Variants in GPM6B observed in about 807,000 individuals in gnomAD.
GPM6B encodes the protein neuronal membrane glycoprotein M6-b.
GPM6B carries 4 observed loss-of-function variants against 27.2 expected under a neutral mutation model. That is an observed-to-expected ratio of 0.15 (90% CI 0.07 to 0.34). GPM6B has a LOEUF of 0.34. GPM6B is among the 10% of genes least tolerant of loss of function. The pLI, the probability that GPM6B is intolerant of heterozygous loss-of-function variation, is 1.00. For missense variants in GPM6B, 183 were observed against 261.9 expected, an observed-to-expected ratio of 0.70 and a Z score of 2.08; for synonymous variants, 124 against 103.1, an observed-to-expected ratio of 1.20 and a Z score of -1.23.
intron 1 of GPM6B, among the ~76,000 whole-genome samples, chrX:13,826,426 G>A (rs1034228790): frequency 1.5e-4 from 17 of 111,608 alleles, no homozygotes; most frequent in African/African-American, 2.9e-4. Context: ...GTTTCTGGCC[G>A]GGTACAGTGT....
intron 1 of GPM6B, among the ~76,000 whole-genome samples, chrX:13,808,671 A>T (rs2049069764): frequency 9.0e-6 from 1 of 111,334 alleles, no homozygotes; most frequent in South Asian, 3.9e-4. Flanking sequence ...ATATTTAAGG[A>T]TTAAAAAAAA....
intron 1 of GPM6B, among the ~76,000 whole-genome samples, chrX:13,901,087 T>C (rs1450456048): frequency 9.0e-6 from 1 of 111,575 alleles, no homozygotes. Flanking sequence ...GGGCCAATAT[T>C]TGAAAAATAT....
intron 2 of GPM6B, among the ~76,000 whole-genome samples, chrX:13,793,606 A>C: frequency 8.9e-6 from 1 of 112,414 alleles, no homozygotes. Flanking sequence ...AAATCTTAAA[A>C]AGAAATGCTT....
intron 1 of GPM6B, among the ~76,000 whole-genome samples, chrX:13,836,789 C>T (rs1162766133): frequency 5.3e-5 from 6 of 112,306 alleles, no homozygotes; most frequent in African/African-American, 1.3e-4. Context: ...ATGACTCATG[C>T]GAAATTTCAA....
chrX:13,850,724 A>G (rs141739997), intron 1 of GPM6B, among the ~76,000 whole-genome samples: 128 of 112,614 alleles, frequency 1.1e-3, no homozygotes, highest in Non-Finnish European at 1.7e-3. Flanking sequence ...CACAAAGTCA[A>G]TGGAAGACGT....
intron 4 of GPM6B, among the ~76,000 whole-genome samples, chrX:13,782,209 C>A (rs1005029668): frequency 8.9e-6 from 1 of 112,030 alleles, no homozygotes. Flanking sequence ...CCTCTCCAGT[C>A]TAAGGGGGCT....
At chrX:13,773,477 T>C in intron 7 of GPM6B, 1 of 112,949 alleles carries the variant, frequency 8.9e-6, no homozygotes, top group Middle Eastern at 4.5e-3. Flanking sequence ...ACAATGTTTA[T>C]TTTGAGTAAA....
chrX:13,915,675 T>C (rs1261883834), intron 1 of GPM6B, among the ~76,000 whole-genome samples: 2 of 112,653 alleles, frequency 1.8e-5, no homozygotes, highest in Non-Finnish European at 3.7e-5. Flanking sequence ...ACTCAGTAAA[T>C]TTTTTTGCGC....
At chrX:13,904,907 C>G (rs937251400) in intron 1 of GPM6B, among the ~76,000 whole-genome samples, 1 of 110,613 alleles carries the variant, frequency 9.0e-6, no homozygotes, top group African/African-American at 3.3e-5. Context: ...AGGCTCAGAG[C>G]AGGCTTCCTC....
In GPM6B at chrX:13,790,997, A is replaced by G. The variant is rs184107465; in HGVS notation, c.182-5189T>C. 8.4e-4 allele frequency among the ~76,000 whole-genome samples: 94 copies of G among 111,901 alleles called. 3 individuals carry two copies. The Admixed American group carries it at 8.8e-3, about 10-fold the overall frequency. On this transcript the variant is annotated intron_variant, in intron 2 of 7. Transcript: ENST00000316715. ...TTTAAATATAGGGGTGGTGCCAAGTACCAGCAGAACACCATGCTGTTAAAA... is the reference window on the plus strand; with the variant it reads ...TTTAAATATAGGGGTGGTGCCAAGTGCCAGCAGAACACCATGCTGTTAAAA...
rs1041969543 is a variant in GPM6B at position 13,902,513 on chromosome X, A to G, written c.-198+35814T>C. Reference sequence around the variant, plus strand: ...ATTGCCAACGAAGTCACTTAAGCACACAGAGTTTAAGTGGTTTGATCTCAT... The same window carrying G: ...ATTGCCAACGAAGTCACTTAAGCACGCAGAGTTTAAGTGGTTTGATCTCAT... On this transcript the variant is annotated intron_variant, in intron 1 of 6. Coordinates refer to the GPM6B transcript ENST00000398361. Among the ~76,000 whole-genome samples the G allele has an allele frequency of 9.3e-4, 103 of 110,890 alleles. 1 individual carries two copies. Among genetic ancestry groups the G allele is most frequent in the African/African-American group, 3.0e-3 (92 of 30,438 alleles).
chrX:13,868,200 T>C (rs943337669), intron 1 of GPM6B, among the ~76,000 whole-genome samples: 71 of 110,903 alleles, frequency 6.4e-4, no homozygotes, highest in African/African-American at 2.3e-3. Context: ...TGTGTGTGTG[T>C]GTGTGTGTGT....
At chrX:13,853,198 G>A (rs1246465725) in intron 1 of GPM6B, among the ~76,000 whole-genome samples, 1 of 111,211 alleles carries the variant, frequency 9.0e-6, no homozygotes, top group Non-Finnish European at 1.9e-5. Flanking sequence ...GCGTCCCAAA[G>A]ACCACCCCAT....
At chrX:13,824,339 G>A (rs2049346611) in intron 1 of GPM6B, among the ~76,000 whole-genome samples, 1 of 112,269 alleles carries the variant, frequency 8.9e-6, no homozygotes, top group Admixed American at 9.4e-5. Flanking sequence ...TGGTTCTCAG[G>A]CCTAGCTGTG....
intron 1 of GPM6B, among the ~76,000 whole-genome samples, chrX:13,920,845 C>T (rs1196455949): frequency 2.8e-5 from 3 of 107,572 alleles, no homozygotes; most frequent in African/African-American, 1.0e-4. Flanking sequence ...GAGCCGAGAT[C>T]GCGCCACTAT....
chrX:13,773,254 A>G (rs1249601204), intron 7 of GPM6B: 2 of 277,363 alleles, frequency 7.2e-6, no homozygotes, highest in Non-Finnish European at 1.3e-5. Flanking sequence ...AGTGAACTGG[A>G]AAAAAATGGC....
In GPM6B at chrX:13,785,703, T is replaced by G; in HGVS notation, c.287A>C (p.His96Pro). 8.3e-7 allele frequency: 1 copy of G among 1,211,736 alleles called. No individual in the cohort carries two copies. Among genetic ancestry groups the G allele is most frequent in the Non-Finnish European group, 1.1e-6 (1 of 895,266 alleles). ...CGCCACGGTGCCTGCGAGAGCCACA[T>G]GCCCACAGCCGCAGAATAAGGCCAC... ...SGVALFCGCG[H>P]VALAGTVAIL... The change falls in exon 3 of 8, where the codon CAT becomes CCT. Residue 96 changes from histidine (H) to proline (P), a missense_variant. By Grantham distance (77) the His-to-Pro change is moderately conservative. Coordinates refer to ENST00000316715, the MANE Select transcript of GPM6B (RefSeq NM_001001995.3).
At chrX:13,822,399 G>A (rs753988480) in intron 1 of GPM6B, among the ~76,000 whole-genome samples, 7 of 107,590 alleles carry the variant, frequency 6.5e-5, no homozygotes, top group African/African-American at 2.4e-4. Context: ...GGAGTCTCGC[G>A]CTGTTGCCCA....
At chrX:13,899,025 T>C (rs1248005933) in intron 1 of GPM6B, among the ~76,000 whole-genome samples, 1 of 111,811 alleles carries the variant, frequency 8.9e-6, no homozygotes, top group Non-Finnish European at 1.9e-5. Context: ...AATGACTTCT[T>C]GAGGGGCAAA....
Sources: allele counts gnomAD v4.1 joint callset (sites outside exome capture counted in the v4.1 genomes callset), GRCh38; gene constraint gnomAD v4.1.1; transcripts MANE v1.5; gene names NCBI Gene and HGNC (gene_info 2026-07-23, HGNC 2026-07-21).